PDE10A: variants seen among roughly 807,000 people sequenced by gnomAD.
The protein encoded by PDE10A is phosphodiesterase 10A.
Under a neutral mutation model 97.7 loss-of-function variants are expected in PDE10A, and 39 were observed. That is an observed-to-expected ratio of 0.40 (90% CI 0.31 to 0.52). PDE10A has a LOEUF of 0.52. PDE10A is among the 20% of genes least tolerant of loss of function. PDE10A has a pLI of 0.56. For synonymous variants in PDE10A, 371 were observed against 376.8 expected (o/e 0.98, Z 0.18); for missense variants, 731 against 1,047.8 (o/e 0.70, Z 4.17).
chr6:165,978,923 T>A (rs1247854118), intron 1 of PDE10A, among the ~76,000 whole-genome samples: 1 of 152,146 alleles, frequency 6.6e-6, no homozygotes, highest in African/African-American at 2.4e-5. Context: ...TAATTCTGTG[T>A]GCCAGAGAAG....
chr6:165,857,521 C>T (rs1257984553), intron 1 of PDE10A, among the ~76,000 whole-genome samples: 28 of 152,340 alleles, frequency 1.8e-4, no homozygotes, highest in Non-Finnish European at 3.7e-4. Context: ...AATGGGTCCC[C>T]ATTGTGGAAG....
chr6:165,486,505 G>A (rs1248905267), intron 2 of PDE10A, among the ~76,000 whole-genome samples: 2 of 152,164 alleles, frequency 1.3e-5, no homozygotes, highest in Non-Finnish European at 2.9e-5. Flanking sequence ...AGAAAGGCTG[G>A]CGAGCTGAAA....
chr6:165,902,203 C>A (rs1164470255), intron 1 of PDE10A, among the ~76,000 whole-genome samples: 1 of 152,208 alleles, frequency 6.6e-6, no homozygotes, highest in African/African-American at 2.4e-5. Context: ...CAGAAAAGCC[C>A]ACCCCATATT....
At chr6:165,386,376 C>G (rs945866470) in intron 17 of PDE10A, among the ~76,000 whole-genome samples, 20 of 152,106 alleles carry the variant, frequency 1.3e-4, no homozygotes, top group Admixed American at 1.2e-3. Flanking sequence ...TTTAATACAG[C>G]CTTTCTAAAG....
intron 2 of PDE10A, among the ~76,000 whole-genome samples, chr6:165,489,689 CA>C (rs61474627): frequency 1.3e-5 from 2 of 151,084 alleles, no homozygotes; most frequent in Non-Finnish European, 3.0e-5. Context: ...TTAAAGAAAT[CA>C]AAAAAAATGA....
intron 18 of PDE10A, among the ~76,000 whole-genome samples, chr6:165,352,993 C>A (rs2128187614): frequency 6.6e-6 from 1 of 152,090 alleles, no homozygotes; most frequent in East Asian, 1.9e-4. Context: ...CAAAATTCAA[C>A]AATAAGAAAA....
chr6:165,966,207 G>A lies in PDE10A; in HGVS notation c.-615+21322C>T, dbSNP rs563250922. On this transcript the variant is annotated intron_variant, in intron 1 of 19. Transcript: ENST00000366882. ...ATGTCTGCAGAAAGAGTGGAAAAGTGGCCTCCCCACAGGGCTCATAATGGA... is the reference window on the plus strand; with the variant it reads ...ATGTCTGCAGAAAGAGTGGAAAAGTAGCCTCCCCACAGGGCTCATAATGGA... Among the ~76,000 whole-genome samples the A allele has an allele frequency of 2.2e-3, 339 of 152,148 alleles. 4 individuals carry two copies. Among genetic ancestry groups the A allele is most frequent in the African/African-American group, 7.8e-3 (325 of 41,508 alleles).
chr6:165,495,042 A>C (rs1314937108), intron 2 of PDE10A, among the ~76,000 whole-genome samples: 6 of 152,220 alleles, frequency 3.9e-5, no homozygotes, highest in Admixed American at 1.3e-4. Flanking sequence ...GAAGCAGCAC[A>C]TTCAGCCTCC....
chr6:165,511,579 C>T (rs1349167840), intron 2 of PDE10A, among the ~76,000 whole-genome samples: 1 of 151,880 alleles, frequency 6.6e-6, no homozygotes, highest in Non-Finnish European at 1.5e-5. Context: ...GATTTTCTTC[C>T]TAGAGGATCT....
intron 1 of PDE10A, among the ~76,000 whole-genome samples, chr6:165,760,392 T>C (rs1236496702): frequency 6.6e-6 from 1 of 152,180 alleles, no homozygotes; most frequent in Non-Finnish European, 1.5e-5. Flanking sequence ...CACTTAATTT[T>C]CTTTCTCAGT....
intron 1 of PDE10A, among the ~76,000 whole-genome samples, chr6:165,791,795 C>A (rs981169871): frequency 6.6e-6 from 1 of 152,230 alleles, no homozygotes; most frequent in African/African-American, 2.4e-5. Context: ...AAAAGCGTTT[C>A]TTGGGCTTTG....
At position 165,711,367 on chromosome 6, in the gene PDE10A, G is replaced by A. The variant is rs574550553; in HGVS notation, c.-614-167799C>T. Among the ~76,000 whole-genome samples, 152 of 152,268 alleles carry A rather than the reference G, an allele frequency of 1.0e-3. 5 individuals are homozygous for A. In the South Asian group the frequency reaches 0.024, roughly 24 times the overall value. On this transcript the variant is annotated intron_variant, in intron 1 of 19. Transcript: ENST00000366882. This position sits in a 1 kb window ranked among gnomAD's most constrained non-coding sequence, Gnocchi z 4.5. Reference sequence around the variant, plus strand: ...TAAAGGCAGCTGTGGTCTGGATGCCGTGCTGCACGTGCAAACACAGGTCCT... The same window carrying A: ...TAAAGGCAGCTGTGGTCTGGATGCCATGCTGCACGTGCAAACACAGGTCCT...
rs1052886658 is a variant in PDE10A at position 165,783,786 on chromosome 6, G to A, written c.-615+203743C>T. ...ATCTATGTCAACACCATTCATCCCA[G>A]AGAAGAGGAAACTAGAACAAGTGAG... On this transcript the variant is annotated intron_variant, in intron 1 of 19. Transcript: ENST00000366882. Among the ~76,000 whole-genome samples the A allele has an allele frequency of 5.3e-4, 80 of 152,176 alleles. 1 individual carries two copies. The highest frequency in any genetic ancestry group is 2.2e-4 in the Non-Finnish European group (15 of 68,038).
chr6:165,584,968 A>G (rs1785823463), intron 1 of PDE10A, among the ~76,000 whole-genome samples: 1 of 152,226 alleles, frequency 6.6e-6, no homozygotes, highest in African/African-American at 2.4e-5. Context: ...TTCAATGTTT[A>G]TGAGTATTTC....
chr6:165,514,621 C>T (rs1051161338), intron 2 of PDE10A, among the ~76,000 whole-genome samples: 1 of 152,196 alleles, frequency 6.6e-6, no homozygotes, highest in African/African-American at 2.4e-5. Flanking sequence ...CTAGTAGAGC[C>T]TGGCCGGCCC....
chr6:165,333,304 A>C (rs1781448602), intron 21 of PDE10A, among the ~76,000 whole-genome samples, 177 bp from the exon 22 acceptor site: 1 of 152,142 alleles, frequency 6.6e-6, no homozygotes, highest in Non-Finnish European at 1.5e-5. Flanking sequence ...CTGTTCAGGA[A>C]AGAGATTCAG....
At chr6:165,684,366 G>A (rs905513229) in intron 1 of PDE10A, among the ~76,000 whole-genome samples, 1 of 152,208 alleles carries the variant, frequency 6.6e-6, no homozygotes, top group African/African-American at 2.4e-5. Flanking sequence ...TTCCAGCCAT[G>A]CACCTGGAGA....
chr6:165,385,252 A>C (rs1282289759), intron 17 of PDE10A, among the ~76,000 whole-genome samples: 1 of 152,098 alleles, frequency 6.6e-6, no homozygotes, highest in Admixed American at 6.5e-5. Flanking sequence ...ATCAGCCTGC[A>C]TTCCTGGGTC....
chr6:165,498,913 A>G (rs1034611960), intron 2 of PDE10A, among the ~76,000 whole-genome samples: 1 of 152,212 alleles, frequency 6.6e-6, no homozygotes, highest in African/African-American at 2.4e-5. Context: ...TTAAAATAGC[A>G]GCTCTATTAT....
Sources: allele counts gnomAD v4.1 joint callset (sites outside exome capture counted in the v4.1 genomes callset), GRCh38; gene constraint gnomAD v4.1.1; non-coding constraint Gnocchi (gnomAD v3.1); transcripts MANE v1.5; gene names NCBI Gene and HGNC (gene_info 2026-07-23, HGNC 2026-07-21).